MPPED2: variants seen among roughly 807,000 people sequenced by gnomAD.
MPPED2 encodes metallophosphoesterase domain containing 2, also known as metallophosphoesterase MPPED2.
A neutral mutation model predicts 33.0 loss-of-function variants in MPPED2; 5 were observed. The ratio of observed to expected loss-of-function variants is 0.15; its 90% CI spans 0.08 to 0.32. The LOEUF is 0.32. MPPED2 is among the 10% of genes least tolerant of loss of function. The pLI is 1.00. For synonymous variants in MPPED2, 136 were observed against 141.9 expected (o/e 0.96, Z 0.29); for missense variants, 275 against 372.1 (o/e 0.74, Z 2.15).
At chr11:30,416,145 G>A (rs1451308943) in intron 5 of MPPED2, among the ~76,000 whole-genome samples, 1 of 152,264 alleles carries the variant, frequency 6.6e-6, no homozygotes, top group Admixed American at 6.5e-5. Flanking sequence ...GGGTTGAGGT[G>A]GTCTGGGGAT....
chr11:30,550,287 C>T (rs926662361), intron 2 of MPPED2, among the ~76,000 whole-genome samples: 1 of 152,154 alleles, frequency 6.6e-6, no homozygotes, highest in African/African-American at 2.4e-5. Flanking sequence ...GTGTCTTTCC[C>T]ACCCCTGCTG....
In MPPED2 at chr11:30,536,169, G is replaced by A; in HGVS notation, c.135C>T (p.Asp45=). ...GTTTTGGAGTGTCATATGGGATGGG[G>A]TCGACCCTAAAGTAGACATAACAGA... is the stretch of plus-strand genomic sequence containing the variant. ...RFQPPHVHMV[D]PIPYDTPKPA... Residue 45 remains aspartate (D), a synonymous_variant, in exon 3 of 7, where the codon GAC becomes GAT. Transcript: ENST00000358117. The A allele has an allele frequency of 6.3e-7, 1 of 1,599,776 alleles. No homozygotes were observed. Among genetic ancestry groups the A allele is most frequent in the Non-Finnish European group, 8.5e-7 (1 of 1,174,306 alleles).
At chr11:30,559,301 A>G (rs1342354562) in intron 2 of MPPED2, among the ~76,000 whole-genome samples, 1 of 152,214 alleles carries the variant, frequency 6.6e-6, no homozygotes, top group Non-Finnish European at 1.5e-5. Flanking sequence ...CAATAGTAAC[A>G]AAGGTCTTTA....
chr11:30,555,263 C>T (rs1379697389), intron 2 of MPPED2, among the ~76,000 whole-genome samples: 1 of 152,098 alleles, frequency 6.6e-6, no homozygotes, highest in East Asian at 1.9e-4. Flanking sequence ...ATCAAGATAC[C>T]CCAAATCACA....
chr11:30,451,388 GC>G lies in MPPED2; in HGVS notation c.537-33756del, dbSNP rs1029031215. Among the ~76,000 whole-genome samples the G allele has an allele frequency of 2.0e-5, 3 of 152,148 alleles. No homozygotes were observed. In the East Asian group the frequency reaches 5.8e-4, roughly 29 times the overall value. ...AAATGCAATTCCCACTGCTAACCTG[GC>G]CCCCCTGCAGTTTGAAGTGAGAGCT... On this transcript the variant is annotated intron_variant, in intron 4 of 6. Transcript: ENST00000358117.
At chr11:30,471,549 A>C (rs1950945194) in intron 4 of MPPED2, among the ~76,000 whole-genome samples, 1 of 152,196 alleles carries the variant, frequency 6.6e-6, no homozygotes, top group Non-Finnish European at 1.5e-5. Flanking sequence ...ACCCAAGCTG[A>C]ATTGGGTGCT....
chr11:30,516,462 T>C (rs1953537978), intron 3 of MPPED2, among the ~76,000 whole-genome samples: 2 of 152,134 alleles, frequency 1.3e-5, no homozygotes, highest in South Asian at 2.1e-4. Flanking sequence ...GAAGAGCCCA[T>C]GAAGCACTGG....
chr11:30,406,045 T>C (rs560120606), downstream of MPPED2, among the ~76,000 whole-genome samples: 61 of 152,254 alleles, frequency 4.0e-4, no homozygotes, highest in Non-Finnish European at 7.2e-4. Flanking sequence ...AGCCATCATG[T>C]TCTGAGGTAG....
intron 4 of MPPED2, among the ~76,000 whole-genome samples, chr11:30,456,607 T>C (rs1015490049): frequency 2.6e-5 from 4 of 152,144 alleles, no homozygotes; most frequent in African/African-American, 9.7e-5. Context: ...GGAATCCATG[T>C]ACTTGATGGT....
At chr11:30,541,159 A>C (rs1023436831) in intron 2 of MPPED2, among the ~76,000 whole-genome samples, 23 of 152,208 alleles carry the variant, frequency 1.5e-4, no homozygotes, top group Non-Finnish European at 1.5e-5. Context: ...TTTTGTGCCA[A>C]GCCTCAAATC....
At chr11:30,577,220 C>G (rs931063832) in intron 2 of MPPED2, among the ~76,000 whole-genome samples, 1 of 152,076 alleles carries the variant, frequency 6.6e-6, no homozygotes, top group African/African-American at 2.4e-5. Context: ...TTGTTAGTCA[C>G]AAAGCTGAGC....
chr11:30,414,596 A>G (rs1215982767), intron 5 of MPPED2, among the ~76,000 whole-genome samples: 1 of 146,564 alleles, frequency 6.8e-6, no homozygotes, highest in African/African-American at 2.5e-5. Flanking sequence ...AGGAGATTTG[A>G]TTTATTCAGC....
chr11:30,461,600 C>T (rs1486048659), intron 4 of MPPED2, among the ~76,000 whole-genome samples: 3 of 151,958 alleles, frequency 2.0e-5, no homozygotes, highest in Non-Finnish European at 4.4e-5. Flanking sequence ...GACTGTCAGG[C>T]CTGTTGCAGG....
chr11:30,500,187 A>G (rs891812740), intron 3 of MPPED2, among the ~76,000 whole-genome samples: 6 of 152,188 alleles, frequency 3.9e-5, no homozygotes, highest in Non-Finnish European at 5.9e-5. Flanking sequence ...GGCCAAAGCC[A>G]TGGCTTTATT....
chr11:30,401,692 G>A (rs910162483), intron 6 of MPPED2, among the ~76,000 whole-genome samples: 1 of 151,982 alleles, frequency 6.6e-6, no homozygotes, highest in East Asian at 1.9e-4. Context: ...TTTTTTGTTT[G>A]TTTGAGACGG....
chr11:30,462,050 G>C (rs1175098966), intron 4 of MPPED2, among the ~76,000 whole-genome samples: 1 of 152,148 alleles, frequency 6.6e-6, no homozygotes, highest in Non-Finnish European at 1.5e-5. Flanking sequence ...GGTGCTGGAG[G>C]GAGACCAGGG....
At chr11:30,437,710 C>T (rs890515618) in intron 4 of MPPED2, among the ~76,000 whole-genome samples, 2 of 152,168 alleles carry the variant, frequency 1.3e-5, no homozygotes, top group African/African-American at 4.8e-5. Context: ...GTTCAGCTAT[C>T]ATCTTGAATT....
downstream of MPPED2, chr11:30,384,375 G>A (rs1045616254): frequency 1.3e-5 from 2 of 151,840 alleles, no homozygotes; most frequent in African/African-American, 4.8e-5. Flanking sequence ...TTTAAAATGT[G>A]GATTGAATAA....
chr11:30,526,145 G>A (rs1954161916), intron 3 of MPPED2, among the ~76,000 whole-genome samples: 2 of 152,116 alleles, frequency 1.3e-5, no homozygotes, highest in South Asian at 2.1e-4. Flanking sequence ...TGTAAAGAAA[G>A]ACACACAGAT....
Sources: allele counts gnomAD v4.1 joint callset (sites outside exome capture counted in the v4.1 genomes callset), GRCh38; gene constraint gnomAD v4.1.1; transcripts MANE v1.5; gene names NCBI Gene and HGNC (gene_info 2026-07-23, HGNC 2026-07-21).